DYM: variants seen among roughly 807,000 people sequenced by gnomAD.
DYM encodes dymeclin.
DYM carries 78 observed loss-of-function variants against 93.1 expected under a neutral mutation model. The observed-to-expected ratio is 0.84, with a 90% CI of 0.70 to 1.01. DYM has a LOEUF of 1.01. Among genes scored for constraint, DYM ranks in the 50% least tolerant of loss-of-function variants. The probability of loss-of-function intolerance (pLI) is 0.00; values close to 1 mark genes in which losing one functional copy is unlikely to be tolerated. For missense variants in DYM, 789 were observed against 845.0 expected (o/e 0.93, Z 0.82); for synonymous variants, 321 against 319.7 (o/e 1.00, Z -0.04).
At chr18:49,401,414 T>C (rs1811044105) in intron 2 of DYM, among the ~76,000 whole-genome samples, 1 of 152,224 alleles carries the variant, frequency 6.6e-6, no homozygotes, top group Admixed American at 6.5e-5. Context: ...TTTTGTTTTT[T>C]ACTGATACAT....
chr18:49,199,044 G>A (rs1380401793), intron 14 of DYM, among the ~76,000 whole-genome samples: 4 of 152,170 alleles, frequency 2.6e-5, no homozygotes, highest in African/African-American at 9.7e-5. Flanking sequence ...AATACTATGT[G>A]GCCATAAAAA....
rs1273285135 is a variant in DYM, at chr18:49,317,539, A to G, written c.763+14325T>C. 5.1e-5 allele frequency among the ~76,000 whole-genome samples: 7 copies of G among 136,966 alleles called. No homozygotes were observed. In the East Asian group the frequency reaches 1.6e-3, roughly 31 times the overall value. The allele number at this position is 136,966 out of a possible 152,430, so 89.9% of individuals were successfully genotyped here. On this transcript the variant is annotated intron_variant, in intron 8 of 17. Transcript: ENST00000675505. ...ATATAATGGTACTGCCCTAGTCCTT[A>G]GCCATCTAGATTTCTCTCTCTCTCT... is the stretch of plus-strand genomic sequence containing the variant.
Position 49,258,436 on chromosome 18 carries a change from T to C in DYM, c.1309A>G (p.Ser437Gly). The C allele has an allele frequency of 6.2e-7, 1 of 1,613,576 alleles. No individual in the cohort carries two copies. Among genetic ancestry groups the C allele is most frequent in the South Asian group, 1.1e-5 (1 of 91,074 alleles). Residue 437 changes from serine (S) to glycine (G), a missense_variant, in exon 12 of 18, where the codon AGT becomes GGT. Physicochemically the swap from Ser to Gly is moderately conservative, Grantham distance 56. Transcript: ENST00000675505. ...CTTATTACCACCAGGATCAGGAGACTCCCCAAGGAGATTTCAGTTAAAACT... is the reference window on the plus strand; with the variant it reads ...CTTATTACCACCAGGATCAGGAGACCCCCCAAGGAGATTTCAGTTAAAACT... ...ERVLTEISLG[S>G]LLILVVIRTI...
At chr18:49,332,817 T>C (rs1356295637) in intron 7 of DYM, among the ~76,000 whole-genome samples, 1 of 152,198 alleles carries the variant, frequency 6.6e-6, no homozygotes, top group Non-Finnish European at 1.5e-5. Flanking sequence ...ACTTGAATAC[T>C]CTGGCACTAT....
chr18:49,424,379 G>C (rs2074047763), intron 2 of DYM, among the ~76,000 whole-genome samples: 1 of 151,934 alleles, frequency 6.6e-6, no homozygotes, highest in Non-Finnish European at 1.5e-5. Context: ...AATAAATTCG[G>C]TGTTGATGGG....
intron 17 of DYM, among the ~76,000 whole-genome samples, chr18:49,062,992 T>C (rs1367623569): frequency 6.6e-6 from 1 of 152,224 alleles, no homozygotes; most frequent in Non-Finnish European, 1.5e-5. Flanking sequence ...TTTCTGTGTC[T>C]GGAATATTTT....
chr18:49,122,733 T>C (rs1411381618), intron 15 of DYM, among the ~76,000 whole-genome samples: 3 of 152,210 alleles, frequency 2.0e-5, no homozygotes, highest in African/African-American at 4.8e-5. Flanking sequence ...ACCGGGTCCC[T>C]GGTGCCAAAA....
intron 8 of DYM, among the ~76,000 whole-genome samples, chr18:49,322,502 A>T (rs192434409): frequency 4.2e-3 from 638 of 152,224 alleles, no homozygotes; most frequent in Non-Finnish European, 6.9e-3. Flanking sequence ...TCAAATGAAA[A>T]AAAATAAAAT....
chr18:49,361,667 C>A (rs1452618347), intron 6 of DYM, among the ~76,000 whole-genome samples: 1 of 152,022 alleles, frequency 6.6e-6, no homozygotes, highest in Non-Finnish European at 1.5e-5. Context: ...AGGCAATTAT[C>A]AAAGAAATGT....
chr18:49,332,629 C>CT (rs2063390540), intron 7 of DYM, among the ~76,000 whole-genome samples: 1 of 152,106 alleles, frequency 6.6e-6, no homozygotes, highest in Admixed American at 6.5e-5. Context: ...ATAGAGTAAA[C>CT]TTTTTAACAG....
intron 10 of DYM, among the ~76,000 whole-genome samples, chr18:49,275,140 A>G (rs2094818017): frequency 6.6e-6 from 1 of 152,152 alleles, no homozygotes; most frequent in South Asian, 2.1e-4. Context: ...TTTTGAATTA[A>G]CTTTGTATAT....
In DYM at chr18:49,043,842, C is replaced by T; in HGVS notation, c.*213G>A. On this transcript the variant is annotated 3_prime_UTR_variant, in exon 18 of 18. Transcript: ENST00000675505. ...TTACATTTATTATTGTTGTGTATTT[C>T]CTCCCCTTTTTGCAATACTATCTAC... 1 of 615,100 alleles carries T rather than the reference C, an allele frequency of 1.6e-6. No individual in the cohort carries two copies. The highest frequency in any genetic ancestry group is 2.9e-6 in the Non-Finnish European group (1 of 348,658). The allele number at this position is 615,100 out of a possible 1,614,324, so 38.1% of individuals were successfully genotyped here. A position where few individuals can be genotyped will look rare whatever the true frequency, so the allele number is the denominator to read the frequency against.
chr18:49,174,071 T>C (rs756929033), intron 14 of DYM, among the ~76,000 whole-genome samples: 9 of 152,188 alleles, frequency 5.9e-5, no homozygotes, highest in Admixed American at 1.3e-4. Flanking sequence ...TAAATGGCCA[T>C]TGAATTTTGT....
chr18:49,297,378 C>T (rs9948966), intron 8 of DYM, among the ~76,000 whole-genome samples: 3,837 of 152,104 alleles, frequency 0.025, 151 homozygotes, highest in African/African-American at 0.086. Flanking sequence ...ACTAACCTAG[C>T]GTATTAGAAG....
chr18:49,283,371 TA>T lies in DYM; in HGVS notation c.947-1197del, dbSNP rs1323410199. 4.6e-5 allele frequency among the ~76,000 whole-genome samples: 7 copies of T among 151,470 alleles called. No individual in the cohort carries two copies. In the East Asian group the frequency reaches 1.4e-3, roughly 29 times the overall value. ...AAAACTTCTATAACTTTTTTTAAAATAAAATAAAATATAATCTCCAATGCAA... is the reference window on the plus strand; with the variant it reads ...AAAACTTCTATAACTTTTTTTAAAATAAATAAAATATAATCTCCAATGCAA... On this transcript the variant is annotated intron_variant, in intron 9 of 17. Transcript: ENST00000675505.
intron 16 of DYM, among the ~76,000 whole-genome samples, chr18:49,113,345 G>T (rs567608428): frequency 2.6e-5 from 4 of 152,162 alleles, no homozygotes; most frequent in African/African-American, 9.6e-5. Context: ...CTCTTGTTTG[G>T]TGTTATATTC....
intron 8 of DYM, among the ~76,000 whole-genome samples, chr18:49,325,191 G>C (rs1317630854): frequency 2.0e-5 from 3 of 152,194 alleles, no homozygotes; most frequent in Non-Finnish European, 4.4e-5. Flanking sequence ...CTGTGGGTAA[G>C]TCCTAAAACA....
chr18:49,056,096 G>T (rs2075453060), intron 17 of DYM, among the ~76,000 whole-genome samples: 1 of 152,146 alleles, frequency 6.6e-6, no homozygotes, highest in Non-Finnish European at 1.5e-5. Context: ...AAACTTTGGG[G>T]TTTCTCAAGT....
intron 6 of DYM, 62 bp from the exon 7 acceptor site, chr18:49,333,915 A>C: frequency 6.6e-7 from 1 of 1,509,880 alleles, no homozygotes; most frequent in East Asian, 2.3e-5. Flanking sequence ...ATTCTTTTCT[A>C]AATGAACTAT....
Sources: gnomAD v4.1 joint callset for allele counts (sites outside exome capture counted in the v4.1 genomes callset) on GRCh38, gnomAD v4.1.1 for gene constraint, MANE v1.5 for transcripts, NCBI Gene and HGNC (gene_info 2026-07-23, HGNC 2026-07-21) for gene names.